The following SYNE1 variants were observed in gnomAD, a reference collection of about 807,000 sequenced individuals.
The protein encoded by SYNE1 is nesprin-1.
A neutral mutation model predicts 1,111.0 loss-of-function variants in SYNE1; 616 were observed. The observed-to-expected ratio is 0.55, with a 90% confidence interval of 0.52 to 0.59. The LOEUF is 0.59. Ranked by LOEUF, SYNE1 falls within the 20% of genes least tolerant of loss-of-function variation. The pLI is 0.00. For synonymous variants in SYNE1, 3,855 were observed against 3,825.8 expected (o/e 1.01, Z -0.28); for missense variants, 10,006 against 10,417.0 (o/e 0.96, Z 1.72).
chr6:152,452,163 C>T (rs2098656669), intron 25 of SYNE1, among the ~76,000 whole-genome samples: 1 of 152,154 alleles, frequency 6.6e-6, no homozygotes, highest in South Asian at 2.1e-4. Flanking sequence ...TTCATCATTA[C>T]CTTTAGTCCC....
intron 37 of SYNE1, 116 bp downstream of exon 37, chr6:152,428,089 G>T: frequency 7.2e-7 from 1 of 1,393,876 alleles, no homozygotes; most frequent in Non-Finnish European, 1.0e-6. Context: ...TCCTACAGTA[G>T]ACCCACAAGT....
intron 130 of SYNE1, among the ~76,000 whole-genome samples, chr6:152,173,896 G>T (rs2065789168): frequency 6.6e-6 from 1 of 152,044 alleles, no homozygotes; most frequent in African/African-American, 2.4e-5. Flanking sequence ...ATGTCTTTTG[G>T]CAAAGTAAAC....
chr6:152,185,995 T>C (rs2069754948), intron 128 of SYNE1, among the ~76,000 whole-genome samples: 2 of 152,330 alleles, frequency 1.3e-5, no homozygotes, highest in South Asian at 2.1e-4. Context: ...ATAGAATCGA[T>C]GCCATAATGT....
At chr6:152,582,806 T>A (rs1396031063) in intron 3 of SYNE1, among the ~76,000 whole-genome samples, 1 of 152,128 alleles carries the variant, frequency 6.6e-6, no homozygotes, top group Non-Finnish European at 1.5e-5. Flanking sequence ...TCATCTTTGT[T>A]AAAGAGTATA....
intron 84 of SYNE1, among the ~76,000 whole-genome samples, 166 bp downstream of exon 84, chr6:152,321,072 T>C (rs183015936): frequency 6.6e-6 from 1 of 152,348 alleles, no homozygotes; most frequent in African/African-American, 2.4e-5. Flanking sequence ...TATGATCATC[T>C]TGCCTATGAA....
chr6:152,207,426 C>G (rs989785212), intron 125 of SYNE1, among the ~76,000 whole-genome samples: 4 of 152,130 alleles, frequency 2.6e-5, no homozygotes, highest in Admixed American at 6.5e-5. Context: ...CGAATGAGGG[C>G]TCTCAGAGAA....
At chr6:152,328,380 T>TTTTATTTTTTTTATTTATTTA (rs374503996) in intron 78 of SYNE1, among the ~76,000 whole-genome samples, 20 of 137,556 alleles carry the variant, frequency 1.5e-4, no homozygotes, top group African/African-American at 5.7e-4. Flanking sequence ...TCTTATTTTA[T>TTTTATTTTTTTTATTTATTTA]TTTATTTATT....
At chr6:152,192,441 T>C (rs2072771814) in intron 127 of SYNE1, among the ~76,000 whole-genome samples, 1 of 151,742 alleles carries the variant, frequency 6.6e-6, no homozygotes, top group Non-Finnish European at 1.5e-5. Flanking sequence ...CATACATAAG[T>C]GACAGAAAAC....
At position 152,387,052 on chromosome 6, in the gene SYNE1, T is replaced by C. The variant is rs764292434; in HGVS notation, c.8487+20A>G. The C allele has an allele frequency of 4.4e-6, 7 of 1,601,398 alleles. No individual in the cohort carries two copies. In the South Asian group the frequency reaches 7.7e-5, roughly 18 times the overall value. ...TATTAATGTATTATAAAGCATCTAC[T>C]TTCAATATAAAGCACTAACCTTGGC... On this transcript the variant is annotated intron_variant, in intron 54 of 145. Transcript: ENST00000367255.
At chr6:152,142,760 C>A (rs1435092318) in intron 138 of SYNE1, among the ~76,000 whole-genome samples, 1 of 152,188 alleles carries the variant, frequency 6.6e-6, no homozygotes. Flanking sequence ...GAACAGGAAA[C>A]AAACTCATAA....
chr6:152,622,246 T>C (rs1034999483), intron 3 of SYNE1, among the ~76,000 whole-genome samples: 7 of 152,150 alleles, frequency 4.6e-5, no homozygotes, highest in Admixed American at 6.5e-5. Flanking sequence ...GTCATTAAGT[T>C]AGAGTAATAA....
At chr6:152,532,568 C>A (rs999600625) in intron 4 of SYNE1, among the ~76,000 whole-genome samples, 1 of 152,146 alleles carries the variant, frequency 6.6e-6, no homozygotes, top group African/African-American at 2.4e-5. Context: ...CTATTGAGCA[C>A]AGTCAGGGTT....
chr6:152,233,852 G>C lies in SYNE1; in HGVS notation c.20641C>G (p.Leu6881Val). 1 of 1,614,206 alleles carries C rather than the reference G, an allele frequency of 6.2e-7. No homozygotes were observed. Among genetic ancestry groups the C allele is most frequent in the South Asian group, 1.1e-5 (1 of 91,084 alleles). ...GTCCACTGGCTATCAATGCGCGACA[G>C]CTCAGAGCGCAGCGTGGCTGTGTCC... ...KVDTATLRSE[L>V]SRIDSQWTDL... The change falls in exon 112 of 146, where the codon CTG becomes GTG. Residue 6881 changes from leucine (L) to valine (V), a missense_variant. Leu to Val is a conservative substitution (Grantham distance 32, BLOSUM62 1). Around this residue, in one of 7 missense-constraint regions of SYNE1, gnomAD observed 2,182 missense variants for 2,287.8 expected, o/e 0.95. Transcript: ENST00000367255.
At chr6:152,374,405 T>C (rs1024401534) in intron 58 of SYNE1, among the ~76,000 whole-genome samples, 1 of 152,252 alleles carries the variant, frequency 6.6e-6, no homozygotes, top group Non-Finnish European at 1.5e-5. Context: ...GACATTTGTC[T>C]TAATGGATGG....
chr6:152,441,287 A>T lies in SYNE1; in HGVS notation c.4009-17T>A. Reference sequence around the variant, plus strand: ...TAATGTGACCTAAATTTGAAAAAATAAACAACAAATGGGTTACAAATGTCA... The same window carrying T: ...TAATGTGACCTAAATTTGAAAAAATTAACAACAAATGGGTTACAAATGTCA... On this transcript the variant is annotated splice_polypyrimidine_tract_variant and intron_variant, in intron 31 of 145. Coordinates refer to ENST00000367255, the MANE Select transcript of SYNE1 (RefSeq NM_182961.4). 6.3e-7 allele frequency: 1 copy of T among 1,598,422 alleles called. No individual in the cohort carries two copies. Among genetic ancestry groups the T allele is most frequent in the Non-Finnish European group, 8.5e-7 (1 of 1,170,610 alleles).
intron 46 of SYNE1, 120 bp downstream of exon 46, chr6:152,404,093 T>C (rs2097858456): frequency 3.5e-6 from 2 of 577,278 alleles, no homozygotes. Context: ...ATACGAGATA[T>C]AGATATATGA....
intron 21 of SYNE1, among the ~76,000 whole-genome samples, chr6:152,459,447 C>G (rs764426134): frequency 6.6e-6 from 1 of 152,176 alleles, no homozygotes; most frequent in African/African-American, 2.4e-5. Context: ...CTGCCTCCCA[C>G]CAGCTCCATG....
At chr6:152,426,208 AT>A (rs1261090876) in intron 38 of SYNE1, among the ~76,000 whole-genome samples, 3 of 152,264 alleles carry the variant, frequency 2.0e-5, no homozygotes, top group Non-Finnish European at 4.4e-5. Context: ...TAATAAAAAA[AT>A]ATTAAGTGAA....
chr6:152,184,299 T>C (rs2153215280), intron 128 of SYNE1, among the ~76,000 whole-genome samples: 1 of 152,148 alleles, frequency 6.6e-6, no homozygotes, highest in Non-Finnish European at 1.5e-5. Flanking sequence ...TAGCAGGGCA[T>C]GGTGGCAGGT....
Sources: allele counts gnomAD v4.1 joint callset (sites outside exome capture counted in the v4.1 genomes callset), GRCh38; gene constraint gnomAD v4.1.1; regional missense constraint gnomAD v4.1.1; transcripts MANE v1.5; gene names NCBI Gene and HGNC (gene_info 2026-07-23, HGNC 2026-07-21).